Variants in MBNL2 observed in about 807,000 individuals in gnomAD.
MBNL2 encodes the protein muscleblind-like protein 2.
In MBNL2, 17 loss-of-function variants were observed where a neutral mutation model predicts 41.9. The ratio of observed to expected loss-of-function variants is 0.41; its 90% confidence interval spans 0.28 to 0.61. The LOEUF is 0.61. Among genes scored for constraint, MBNL2 ranks in the 20% least tolerant of loss-of-function variants. MBNL2 has a pLI of 0.35. For synonymous variants in MBNL2, 195 were observed against 182.9 expected (o/e 1.07, Z -0.53); for missense variants, 336 against 505.6 (o/e 0.66, Z 3.22).
At chr13:97,288,415 A>G (rs751513030) in intron 2 of MBNL2, among the ~76,000 whole-genome samples, 40 of 152,218 alleles carry the variant, frequency 2.6e-4, no homozygotes, top group African/African-American at 8.4e-4. Context: ...TGATCCATCA[A>G]ATAAGCTAAT....
intron 2 of MBNL2, among the ~76,000 whole-genome samples, chr13:97,299,567 T>C (rs1021586658): frequency 6.6e-6 from 1 of 152,190 alleles, no homozygotes; most frequent in African/African-American, 2.4e-5. Context: ...TTCATGTCAG[T>C]ATCATTAACA....
At chr13:97,321,035 T>A (rs1033200907) in intron 2 of MBNL2, among the ~76,000 whole-genome samples, 1 of 152,122 alleles carries the variant, frequency 6.6e-6, no homozygotes, top group African/African-American at 2.4e-5. Context: ...TGGATTAGAG[T>A]CCACCCTAAT....
At chr13:97,332,016 A>C (rs2060475821) in intron 2 of MBNL2, among the ~76,000 whole-genome samples, 1 of 152,222 alleles carries the variant, frequency 6.6e-6, no homozygotes, top group Admixed American at 6.5e-5. Context: ...CTAGTGATCA[A>C]ATTGACAAGT....
At chr13:97,353,673 T>A (rs189703557) in intron 5 of MBNL2, among the ~76,000 whole-genome samples, 9 of 152,352 alleles carry the variant, frequency 5.9e-5, no homozygotes, top group Admixed American at 2.6e-4. Flanking sequence ...CACCAGAATT[T>A]TTTAAACATG....
At chr13:97,257,792 G>C (rs1028900679) in intron 1 of MBNL2, among the ~76,000 whole-genome samples, 4 of 152,224 alleles carry the variant, frequency 2.6e-5, no homozygotes, top group African/African-American at 2.4e-5. Context: ...CAGGATTTAG[G>C]GGGGCACTGG....
At chr13:97,197,818 G>A in the MBNL2 span, among the ~76,000 whole-genome samples, 14 of 152,186 alleles carry the variant, frequency 9.2e-5, no homozygotes, top group African/African-American at 2.2e-4. Context: ...TTAAGCATTC[G>A]CCTGATTTTT....
At chr13:97,213,867 T>G in the MBNL2 span, among the ~76,000 whole-genome samples, 2 of 151,984 alleles carry the variant, frequency 1.3e-5, no homozygotes, top group Non-Finnish European at 2.9e-5. Context: ...CATTTAATTT[T>G]TAAAGTCAAG....
At chr13:97,265,676 C>T (rs990464291) in intron 1 of MBNL2, among the ~76,000 whole-genome samples, 1 of 152,048 alleles carries the variant, frequency 6.6e-6, no homozygotes, top group African/African-American at 2.4e-5. Context: ...TGTGTACATG[C>T]ATGTGGATGT....
chr13:97,161,640 A>T, the MBNL2 span, among the ~76,000 whole-genome samples: 9 of 152,332 alleles, frequency 5.9e-5, no homozygotes, highest in Middle Eastern at 3.4e-3. Flanking sequence ...TGGAAGTGTC[A>T]AAAATACATA....
chr13:97,337,359 A>G (rs1255098838), intron 3 of MBNL2, among the ~76,000 whole-genome samples: 1 of 152,180 alleles, frequency 6.6e-6, no homozygotes, highest in Non-Finnish European at 1.5e-5. Context: ...GCCAGAATGG[A>G]CTAAGACAAT....
At chr13:97,361,156 G>A (rs1339482757) in intron 7 of MBNL2, among the ~76,000 whole-genome samples, 3 of 152,222 alleles carry the variant, frequency 2.0e-5, no homozygotes, top group Non-Finnish European at 4.4e-5. Flanking sequence ...TCTGGGCAAA[G>A]CTATTCGAGA....
At chr13:97,374,356 C>T (rs2064753523) in intron 8 of MBNL2, among the ~76,000 whole-genome samples, 1 of 150,756 alleles carries the variant, frequency 6.6e-6, no homozygotes, top group Admixed American at 6.6e-5. Context: ...ACCGTGTTAG[C>T]CAGGATGGTC....
At chr13:97,287,918 G>GT (rs11423615) in intron 2 of MBNL2, among the ~76,000 whole-genome samples, 64,209 of 124,438 alleles carry the variant, frequency 0.52, 17,455 homozygotes, top group Non-Finnish European at 0.61. Context: ...CTAATTTTCT[G>GT]TTTTTTTTTT....
At chr13:97,296,973 G>C (rs1213393014) in intron 2 of MBNL2, among the ~76,000 whole-genome samples, 3 of 152,146 alleles carry the variant, frequency 2.0e-5, no homozygotes, top group Non-Finnish European at 2.9e-5. Flanking sequence ...AGATAGGAAA[G>C]GGCATCCCAG....
the MBNL2 span, among the ~76,000 whole-genome samples, chr13:97,202,538 G>A: frequency 6.6e-6 from 1 of 152,080 alleles, no homozygotes; most frequent in Non-Finnish European, 1.5e-5. Flanking sequence ...TACCTAATAT[G>A]TAATGACTGT....
chr13:97,195,268 T>G, the MBNL2 span, among the ~76,000 whole-genome samples: 1 of 152,134 alleles, frequency 6.6e-6, no homozygotes, highest in African/African-American at 2.4e-5. Flanking sequence ...ATCTCATTTG[T>G]GATTTCAGTT....
chr13:97,243,720 C>T (rs1168843364), intron 1 of MBNL2, among the ~76,000 whole-genome samples: 2 of 152,150 alleles, frequency 1.3e-5, no homozygotes, highest in African/African-American at 2.4e-5. Context: ...TTTCTTCTCT[C>T]CTCCCCACCC....
At chr13:97,249,103 A>G (rs1295538244) in intron 1 of MBNL2, among the ~76,000 whole-genome samples, 1 of 152,248 alleles carries the variant, frequency 6.6e-6, no homozygotes, top group African/African-American at 2.4e-5. Flanking sequence ...TTTCTGCTAC[A>G]CAATTTGGAC....
intron 5 of MBNL2, among the ~76,000 whole-genome samples, chr13:97,354,977 A>T (rs566289873): frequency 6.6e-6 from 1 of 152,334 alleles, no homozygotes; most frequent in African/African-American, 2.4e-5. Flanking sequence ...AGATTAATTG[A>T]AGCTCAAAAA....
Sources: allele counts gnomAD v4.1 joint callset (sites outside exome capture counted in the v4.1 genomes callset), GRCh38; gene constraint gnomAD v4.1.1; transcripts MANE v1.5; gene names NCBI Gene and HGNC (gene_info 2026-07-23, HGNC 2026-07-21).